Variants in PATJ observed in about 807,000 individuals in gnomAD.
PATJ encodes PATJ crumbs cell polarity complex component, also known as inaD-like protein.
PATJ carries 190 observed loss-of-function variants against 224.9 expected under a neutral mutation model. The observed-to-expected ratio is 0.84, with a 90% CI of 0.75 to 0.95. PATJ has a LOEUF of 0.95. PATJ is among the 40% of genes least tolerant of loss of function. The pLI is 0.00. For missense variants in PATJ, 2,121 were observed against 2,270.3 expected (o/e 0.93, Z 1.34); for synonymous variants, 769 against 820.3 (o/e 0.94, Z 1.07).
intron 22 of PATJ, among the ~76,000 whole-genome samples, chr1:61,898,322 C>T (rs543600241): frequency 1.3e-5 from 2 of 152,208 alleles, no homozygotes; most frequent in South Asian, 4.1e-4. Flanking sequence ...CTCACTACAG[C>T]CTTGAACTCC....
At chr1:61,905,948 T>G (rs1671799600) in intron 24 of PATJ, among the ~76,000 whole-genome samples, 2 of 152,320 alleles carry the variant, frequency 1.3e-5, no homozygotes, top group Middle Eastern at 3.4e-3. Context: ...CAATACTATG[T>G]ACTTGGATCT....
intron 28 of PATJ, among the ~76,000 whole-genome samples, chr1:62,012,103 A>G (rs1399293366): frequency 6.6e-6 from 1 of 151,980 alleles, no homozygotes; most frequent in Non-Finnish European, 1.5e-5. Flanking sequence ...TGTTGTAGTG[A>G]CCTGGTTTTT....
At chr1:61,753,365 T>C (rs1051279265) in intron 1 of PATJ, among the ~76,000 whole-genome samples, 1 of 152,160 alleles carries the variant, frequency 6.6e-6, no homozygotes, top group Non-Finnish European at 1.5e-5. Context: ...CCCAAAGATA[T>C]TGCAAGTGAT....
At position 61,827,485 on chromosome 1, in the gene PATJ, C is replaced by G. The variant is rs776300069; in HGVS notation, c.1882C>G (p.Pro628Ala). The G allele has an allele frequency of 3.1e-6, 5 of 1,613,914 alleles. No homozygotes were observed. The highest frequency in any genetic ancestry group is 4.2e-6 in the Non-Finnish European group (5 of 1,179,934). The change falls in exon 16 of 44, where the codon CCA becomes GCA. Residue 628 changes from proline to alanine, a missense_variant. Physicochemically the swap from Pro to Ala is conservative, Grantham distance 27 (BLOSUM62 -1). Coordinates refer to ENST00000642238, the MANE Select transcript of PATJ (RefSeq NM_001350145.3). Reference sequence around the variant, plus strand: ...AGCAGTCTCCTTTCTTAAAGAAGTGCCACCCCCTTTTACTTTGGTTTGCTG... The same window carrying G: ...AGCAGTCTCCTTTCTTAAAGAAGTGGCACCCCCTTTTACTTTGGTTTGCTG... ...REAVSFLKEV[P>A]PPFTLVCCRR...
intron 20 of PATJ, among the ~76,000 whole-genome samples, chr1:61,868,845 T>G (rs938893744): frequency 6.6e-6 from 1 of 152,062 alleles, no homozygotes; most frequent in Non-Finnish European, 1.5e-5. Flanking sequence ...GAGAAAAAAC[T>G]TCTCCTCTAC....
chr1:62,083,354 T>A (rs1659530035), intron 32 of PATJ, among the ~76,000 whole-genome samples: 1 of 152,220 alleles, frequency 6.6e-6, no homozygotes, highest in African/African-American at 2.4e-5. Flanking sequence ...ACTCCTGACC[T>A]CAGGTGATCC....
In PATJ at chr1:61,856,027, C is replaced by T; in HGVS notation, c.2113-3C>T. 1.9e-6 allele frequency: 3 copies of T among 1,611,974 alleles called. No individual in the cohort carries two copies. Among genetic ancestry groups the T allele is most frequent in the Non-Finnish European group, 2.5e-6 (3 of 1,178,036 alleles). ...TCATCCTTCTTCTTTGCTCGATTCA[C>T]AGGACCCTTTAGATCCTACAAGATC... On this transcript the variant is annotated splice_region_variant and splice_polypyrimidine_tract_variant and intron_variant, in intron 17 of 43. Coordinates refer to ENST00000642238, the MANE Select transcript of PATJ (RefSeq NM_001350145.3).
intron 12 of PATJ, among the ~76,000 whole-genome samples, chr1:61,804,929 C>T (rs1027127111): frequency 6.6e-6 from 1 of 152,094 alleles, no homozygotes; most frequent in Non-Finnish European, 1.5e-5. Context: ...ACCAGACAAG[C>T]CTTTATAGCT....
chr1:61,850,144 C>T (rs1390315453), intron 17 of PATJ, among the ~76,000 whole-genome samples: 1 of 152,192 alleles, frequency 6.6e-6, no homozygotes, highest in African/African-American at 2.4e-5. Context: ...CTCTCCACAT[C>T]TTCGAGTTGA....
At chr1:62,031,001 C>T (rs974558032) in intron 29 of PATJ, among the ~76,000 whole-genome samples, 4 of 152,130 alleles carry the variant, frequency 2.6e-5, no homozygotes, top group Non-Finnish European at 4.4e-5. Flanking sequence ...ATTGAATAAA[C>T]TTGTATAGAG....
chr1:61,860,516 C>G (rs567391378), intron 18 of PATJ, among the ~76,000 whole-genome samples: 1 of 152,126 alleles, frequency 6.6e-6, no homozygotes, highest in Non-Finnish European at 1.5e-5. Flanking sequence ...TCAGCTTCCA[C>G]TTTGCTCATC....
Position 61,797,410 on chromosome 1 carries a change from G to A in PATJ, c.1384G>A (p.Glu462Lys). ...RKTSSSTSPLEPPSDRGTVVE... is the reference protein window; with the variant it reads ...RKTSSSTSPLKPPSDRGTVVE... The stretch of plus-strand genomic sequence containing the variant: ...GACATCCTCATCTACTTCTCCACTT[G>A]AACCACCTTCAGACAGAGGTGATTA... The change falls in exon 11 of 44, where the codon GAA (glutamate) becomes AAA (lysine). Residue 462 changes from glutamate (E) to lysine (K), a missense_variant. By Grantham distance (56) the Glu-to-Lys change is moderately conservative. Coordinates refer to ENST00000642238, the MANE Select transcript of PATJ (RefSeq NM_001350145.3). 6.2e-7 allele frequency: 1 copy of A among 1,613,582 alleles called. No homozygotes were observed. Among genetic ancestry groups the A allele is most frequent in the Non-Finnish European group, 8.5e-7 (1 of 1,179,606 alleles).
In PATJ at chr1:61,943,196, G is replaced by A. The variant is rs570813599; in HGVS notation, c.3670+15367G>A. 3.3e-5 allele frequency among the ~76,000 whole-genome samples: 5 copies of A among 152,312 alleles called. 1 individual carries two copies. The highest frequency in any genetic ancestry group is 9.6e-5 in the African/African-American group (4 of 41,576). ...GTCTACAGCTCCCAGCGTGAACAAC[G>A]CAGAAGTTGGGTGATTTCTGCATTT... On this transcript the variant is annotated intron_variant, in intron 27 of 43. Transcript: ENST00000642238.
intron 41 of PATJ, among the ~76,000 whole-genome samples, chr1:62,139,015 C>A (rs567380998): frequency 6.6e-6 from 1 of 152,186 alleles, no homozygotes; most frequent in African/African-American, 2.4e-5. Flanking sequence ...GGCAGGGAAC[C>A]TTTGCTCCCA....
At chr1:61,757,175 G>A (rs1056971309) in intron 1 of PATJ, among the ~76,000 whole-genome samples, 9 of 149,780 alleles carry the variant, frequency 6.0e-5, no homozygotes, top group African/African-American at 1.7e-4. Flanking sequence ...GGGCTCAAGC[G>A]ATTCTCCCAC....
chr1:62,053,586 G>A (rs1654024018), intron 31 of PATJ, among the ~76,000 whole-genome samples: 1 of 152,168 alleles, frequency 6.6e-6, no homozygotes, highest in African/African-American at 2.4e-5. Context: ...AGGCATGATG[G>A]CGCATGCCTG....
intron 28 of PATJ, among the ~76,000 whole-genome samples, chr1:61,997,982 T>TTTTTTATATATATATATA (rs374175697): frequency 8.5e-6 from 1 of 118,338 alleles, no homozygotes; most frequent in African/African-American, 3.9e-5. Context: ...TGTGCCCAGC[T>TTTTTTATATATATATATA]TATATATGTA....
intron 31 of PATJ, among the ~76,000 whole-genome samples, chr1:62,063,900 T>C (rs1028456853): frequency 2.0e-5 from 3 of 152,232 alleles, no homozygotes; most frequent in African/African-American, 7.2e-5. Flanking sequence ...GGTAGTCTTT[T>C]GGCAGTCTTT....
At chr1:61,792,655 G>A (rs890103334) in intron 9 of PATJ, among the ~76,000 whole-genome samples, 3 of 151,484 alleles carry the variant, frequency 2.0e-5, no homozygotes, top group Admixed American at 6.6e-5. Context: ...CCCAGCCTTC[G>A]GGTAGCTGGG....
Sources: gnomAD v4.1 joint callset for allele counts (sites outside exome capture counted in the v4.1 genomes callset) on GRCh38, gnomAD v4.1.1 for gene constraint, MANE v1.5 for transcripts, NCBI Gene and HGNC (gene_info 2026-07-23, HGNC 2026-07-21) for gene names.